The following TRAM2 variants were observed in gnomAD, a reference collection of about 807,000 sequenced individuals.
TRAM2 encodes the protein translocation associated membrane protein 2.
A neutral mutation model predicts 51.0 loss-of-function variants in TRAM2; 12 were observed. That is an observed-to-expected ratio of 0.24 (90% CI 0.15 to 0.38). The LOEUF is 0.38. TRAM2 is among the 10% of genes least tolerant of loss of function. TRAM2 has a pLI of 1.00. For missense variants in TRAM2, 361 were observed against 462.0 expected, an observed-to-expected ratio of 0.78 and a Z score of 2.00; for synonymous variants, 175 against 179.4, an observed-to-expected ratio of 0.98 and a Z score of 0.20.
chr6:52,504,602 TTGA>T lies in TRAM2; in HGVS notation c.1025_1027del (p.Ile342del), dbSNP rs1284972773. 1.9e-6 allele frequency: 3 copies of T among 1,614,166 alleles called. No individual in the cohort carries two copies. The highest frequency in any genetic ancestry group is 2.5e-6 in the Non-Finnish European group (3 of 1,180,040). On this transcript the variant is annotated inframe_deletion, in exon 10 of 11. Coordinates refer to ENST00000182527, the MANE Select transcript of TRAM2 (RefSeq NM_012288.4). Reference sequence around the variant, plus strand: ...GCCCTGGCACTCACCAGATTCCCTCTTGATGAGCCTGGCTGGTAGTCTGGGTGT... The same window carrying T: ...GCCCTGGCACTCACCAGATTCCCTCTTGAGCCTGGCTGGTAGTCTGGGTGT...
intron 2 of TRAM2, among the ~76,000 whole-genome samples, chr6:52,532,809 C>A (rs373568689): frequency 8.1e-6 from 1 of 123,426 alleles, no homozygotes; most frequent in South Asian, 2.5e-4. Flanking sequence ...ATTATAAAAA[C>A]AAAAAATTGT....
chr6:52,535,978 A>AACC, intron 1 of TRAM2, 132 bp from the exon 2 acceptor site: 1 of 659,312 alleles, frequency 1.5e-6, no homozygotes, highest in Non-Finnish European at 2.6e-6. Flanking sequence ...CCTAATGCAG[A>AACC]GTTAGCATTA....
intron 1 of TRAM2, among the ~76,000 whole-genome samples, chr6:52,570,056 A>G (rs1347021300): frequency 1.3e-5 from 2 of 152,220 alleles, no homozygotes; most frequent in Non-Finnish European, 2.9e-5. Context: ...TTCTGTAAAC[A>G]CAGTAGAAGA....
intron 1 of TRAM2, among the ~76,000 whole-genome samples, chr6:52,536,205 TAATA>T (rs773206046): frequency 6.6e-6 from 1 of 152,168 alleles, no homozygotes; most frequent in Non-Finnish European, 1.5e-5. Flanking sequence ...AGACAGAAAC[TAATA>T]AATAAAGTCA....
Position 52,577,011 on chromosome 6 carries a change from C to T in TRAM2, c.-96G>A. 7.7e-7 allele frequency: 1 copy of T among 1,298,128 alleles called. No homozygotes were observed. Among genetic ancestry groups the T allele is most frequent in the Non-Finnish European group, 9.8e-7 (1 of 1,023,902 alleles). 80.4% of individuals were successfully genotyped at this position (1,298,128 alleles called of 1,614,324 possible). A position where few individuals can be genotyped will look rare whatever the true frequency, so the allele number is the denominator to read the frequency against. Reference sequence around the variant, plus strand: ...CACCGGCCCGGTCCGCCCGCCGGCCCGCCGCCCGCTCTCCCACAGCCGCTC... The same window carrying T: ...CACCGGCCCGGTCCGCCCGCCGGCCTGCCGCCCGCTCTCCCACAGCCGCTC... On this transcript the variant is annotated 5_prime_UTR_variant, in exon 1 of 11. Coordinates refer to ENST00000182527, the MANE Select transcript of TRAM2 (RefSeq NM_012288.4).
At chr6:52,546,025 G>A (rs1039853128) in intron 1 of TRAM2, among the ~76,000 whole-genome samples, 7 of 152,110 alleles carry the variant, frequency 4.6e-5, no homozygotes, top group Admixed American at 4.6e-4. Flanking sequence ...TTCTCACAGG[G>A]CAAGTACAGG....
chr6:52,546,915 C>T (rs2268719), intron 1 of TRAM2, among the ~76,000 whole-genome samples: 31,158 of 152,204 alleles, frequency 0.2, 4,033 homozygotes, highest in Non-Finnish European at 0.29. Context: ...GTGCCTACAA[C>T]AGCGCTTGGC....
chr6:52,505,697 G>A lies in TRAM2; in HGVS notation c.777C>T (p.Ile259=), dbSNP rs1766335090. 1.2e-6 allele frequency: 2 copies of A among 1,613,554 alleles called. No homozygotes were observed. The highest frequency in any genetic ancestry group is 1.3e-5 in the African/African-American group (1 of 75,038). The change falls in exon 9 of 11, where the codon ATC becomes ATT. Residue 259 remains isoleucine, a synonymous_variant. Coordinates refer to ENST00000182527, the MANE Select transcript of TRAM2 (RefSeq NM_012288.4). ...CAATGGCCAGCACGGCAAGGGTGAG[G>A]ATGAAGAGGCGGGTAACCCCAAAAA... ...AAVFGVTRLF[I]LTLAVLAIGF... is the part of the protein sequence containing the mutation.
chr6:52,547,461 C>T (rs1430017169), intron 1 of TRAM2, among the ~76,000 whole-genome samples: 2 of 152,154 alleles, frequency 1.3e-5, no homozygotes, highest in African/African-American at 2.4e-5. Context: ...ATGGAGAAGA[C>T]GCTCAATAAA....
Position 52,526,627 on chromosome 6 carries a change from G to T in TRAM2, c.184+9156C>A, listed in dbSNP as rs182141305. 4.1e-3 allele frequency among the ~76,000 whole-genome samples: 628 copies of T among 152,280 alleles called. 2 individuals carry two copies. Among genetic ancestry groups the T allele is most frequent in the South Asian group, 0.021 (100 of 4,820 alleles). On this transcript the variant is annotated intron_variant, in intron 2 of 10. Transcript: ENST00000182527. ...TGGTCTCAAACTCCTGACCTCAAGT[G>T]ATCTGCTCACCTCGGCCTCCCAAAG...
intron 1 of TRAM2, among the ~76,000 whole-genome samples, chr6:52,561,487 CTTTT>C (rs61175622): frequency 2.3e-5 from 3 of 130,276 alleles, no homozygotes; most frequent in Non-Finnish European, 3.3e-5. Context: ...GTTTCTTTTT[CTTTT>C]TTTTTTTTTT....
intron 1 of TRAM2, among the ~76,000 whole-genome samples, chr6:52,573,892 C>A (rs900519928): frequency 5.9e-5 from 9 of 152,110 alleles, no homozygotes; most frequent in African/African-American, 2.2e-4. Context: ...GGCAGAGGCA[C>A]GACAGAGGTC....
At chr6:52,538,455 G>A (rs1353257408) in intron 1 of TRAM2, among the ~76,000 whole-genome samples, 1 of 152,160 alleles carries the variant, frequency 6.6e-6, no homozygotes, top group East Asian at 1.9e-4. Flanking sequence ...TGGGCCAACC[G>A]GACACCCTGC....
rs559035806 is a variant in TRAM2, at chr6:52,527,760, C to T, written c.184+8023G>A. Among the ~76,000 whole-genome samples, 3 of 152,314 alleles carry T rather than the reference C, an allele frequency of 2.0e-5. No individual in the cohort carries two copies. The East Asian group carries it at 5.8e-4, about 29-fold the overall frequency. ...AGGGAATTGCATAAAAATCAAGCTG[C>T]GTCTGAAGAAGACACTTCTAGGTTG... On this transcript the variant is annotated intron_variant, in intron 2 of 10. Transcript: ENST00000182527.
chr6:52,505,747 TCA>T lies in TRAM2; in HGVS notation c.732-7_732-6del. ...ACAGCAGCCCAGGCACTGAACCTGCTCACAGAGGCAGAAGAGGGATGTCAGTC... is the reference window on the plus strand; with the variant it reads ...ACAGCAGCCCAGGCACTGAACCTGCTCAGAGGCAGAAGAGGGATGTCAGTC... On this transcript the variant is annotated splice_polypyrimidine_tract_variant and splice_region_variant and intron_variant, in intron 8 of 10. Coordinates refer to ENST00000182527, the MANE Select transcript of TRAM2 (RefSeq NM_012288.4). 3 of 1,601,716 alleles carry T rather than the reference TCA, an allele frequency of 1.9e-6. No individual in the cohort carries two copies. In the African/African-American group the frequency reaches 4.0e-5, roughly 22 times the overall value.
intron 1 of TRAM2, among the ~76,000 whole-genome samples, chr6:52,564,401 A>G (rs1767555862): frequency 6.6e-6 from 1 of 151,972 alleles, no homozygotes; most frequent in African/African-American, 2.4e-5. Flanking sequence ...ACCTTTCACC[A>G]CTTCAACCCT....
chr6:52,518,049 A>G (rs1256276404), intron 2 of TRAM2, among the ~76,000 whole-genome samples: 2 of 152,038 alleles, frequency 1.3e-5, no homozygotes, highest in African/African-American at 2.4e-5. Flanking sequence ...AAAAGACACC[A>G]CCCCCGGTTG....
At chr6:52,521,259 CGTAG>C in intron 2 of TRAM2, among the ~76,000 whole-genome samples, 1 of 152,054 alleles carries the variant, frequency 6.6e-6, no homozygotes, top group Middle Eastern at 3.4e-3. Flanking sequence ...TTGGTGCAAA[CGTAG>C]TAATAAATTG....
At chr6:52,538,846 C>G (rs1767019189) in intron 1 of TRAM2, among the ~76,000 whole-genome samples, 1 of 152,186 alleles carries the variant, frequency 6.6e-6, no homozygotes, top group Admixed American at 6.5e-5. Context: ...GAATTATGTT[C>G]TCTCAAGTCA....
Sources: allele counts gnomAD v4.1 joint callset (sites outside exome capture counted in the v4.1 genomes callset), GRCh38; gene constraint gnomAD v4.1.1; transcripts MANE v1.5; gene names NCBI Gene and HGNC (gene_info 2026-07-23, HGNC 2026-07-21).